The following NPAS3 variants were observed in gnomAD, a reference collection of about 807,000 sequenced individuals.
NPAS3 encodes the protein neuronal PAS domain protein 3, also known as neuronal PAS domain-containing protein 3.
In NPAS3, 14 loss-of-function variants were observed where a neutral mutation model predicts 73.1. The ratio of observed to expected loss-of-function variants is 0.19; its 90% CI spans 0.13 to 0.30. NPAS3 has a LOEUF of 0.30. Among genes scored for constraint, NPAS3 ranks in the 10% least tolerant of loss-of-function variants. The pLI, the probability that NPAS3 is intolerant of heterozygous loss-of-function variation, is 1.00. For missense variants in NPAS3, 1,096 were observed against 1,250.0 expected, an observed-to-expected ratio of 0.88 and a Z score of 1.86; for synonymous variants, 620 against 541.5, an observed-to-expected ratio of 1.14 and a Z score of -2.01.
intron 3 of NPAS3, among the ~76,000 whole-genome samples, chr14:33,331,205 C>T (rs770314541): frequency 4.6e-5 from 7 of 151,950 alleles, no homozygotes; most frequent in East Asian, 1.9e-4. Context: ...TAAAGTTGTT[C>T]GTAATTTATG....
At chr14:33,665,390 C>T (rs1472769541) in intron 5 of NPAS3, among the ~76,000 whole-genome samples, 4 of 152,208 alleles carry the variant, frequency 2.6e-5, no homozygotes, top group African/African-American at 7.2e-5. Flanking sequence ...CGCGTGTATA[C>T]CTATACAACA....
At chr14:33,272,147 T>C (rs116469645) in intron 3 of NPAS3, among the ~76,000 whole-genome samples, 204 of 152,310 alleles carry the variant, frequency 1.3e-3, no homozygotes, top group African/African-American at 4.6e-3. Context: ...TCAATCCTGT[T>C]TTGCTCAGCA....
At chr14:33,204,400 T>C (rs1234024444) in intron 2 of NPAS3, among the ~76,000 whole-genome samples, 2 of 152,132 alleles carry the variant, frequency 1.3e-5, no homozygotes, top group African/African-American at 4.8e-5. Flanking sequence ...TGATTCTAAT[T>C]ACAGTAGTTA....
intron 2 of NPAS3, among the ~76,000 whole-genome samples, chr14:33,064,417 C>G (rs2041211928): frequency 1.3e-5 from 2 of 151,998 alleles, no homozygotes; most frequent in African/African-American, 4.8e-5. Context: ...ATATGTTTTT[C>G]TGTTGATTTA....
chr14:33,545,673 A>C (rs2054810484), intron 4 of NPAS3, among the ~76,000 whole-genome samples: 1 of 152,148 alleles, frequency 6.6e-6, no homozygotes, highest in Non-Finnish European at 1.5e-5. Context: ...AGCATCACTG[A>C]AGGAATTGAG....
intron 3 of NPAS3, among the ~76,000 whole-genome samples, chr14:33,254,312 G>A (rs533284054): frequency 1.4e-4 from 22 of 151,892 alleles, no homozygotes; most frequent in African/African-American, 3.9e-4. Flanking sequence ...CACACTTCTC[G>A]AAGTTCAAAG....
intron 2 of NPAS3, among the ~76,000 whole-genome samples, chr14:33,211,507 T>C (rs775368422): frequency 5.3e-5 from 8 of 152,060 alleles, no homozygotes; most frequent in Non-Finnish European, 1.2e-4. Context: ...TGAGCCAAGA[T>C]CGAACCATTG....
downstream of NPAS3, chr14:33,804,057 GTTC>G (rs1267687753): frequency 6.6e-6 from 1 of 151,956 alleles, no homozygotes; most frequent in East Asian, 1.9e-4. Flanking sequence ...TTACAACAGG[GTTC>G]TTTTTATACT....
chr14:33,574,954 G>A lies in NPAS3; in HGVS notation c.558+14744G>A, dbSNP rs117429775. 8.4e-3 allele frequency among the ~76,000 whole-genome samples: 1,124 copies of A among 134,002 alleles called. 70 individuals carry two copies. The East Asian group carries it at 0.19, about 23-fold the overall frequency. 87.9% of individuals were successfully genotyped at this position (134,002 alleles called of 152,430 possible). The stretch of plus-strand genomic sequence containing the variant: ...CTTTTGCTAGGATTGGTCAACCTTG[G>A]TCCATGCACACAGTGGTGCAAGGGA... On this transcript the variant is annotated intron_variant, in intron 5 of 11. Transcript: ENST00000356141.
At chr14:33,164,928 A>C (rs1039528007) in intron 2 of NPAS3, among the ~76,000 whole-genome samples, 3 of 149,938 alleles carry the variant, frequency 2.0e-5, no homozygotes, top group Non-Finnish European at 4.4e-5. Context: ...TTTCATGGTT[A>C]TCCCATTATG....
intron 2 of NPAS3, among the ~76,000 whole-genome samples, chr14:33,117,198 G>T (rs1372931325): frequency 6.6e-6 from 1 of 151,888 alleles, no homozygotes; most frequent in Non-Finnish European, 1.5e-5. Flanking sequence ...TCATTTCTTG[G>T]TGGTGGGGAC....
intron 7 of NPAS3, among the ~76,000 whole-genome samples, chr14:33,754,706 A>C (rs1275716195): frequency 6.6e-6 from 1 of 152,186 alleles, no homozygotes; most frequent in African/African-American, 2.4e-5. Context: ...CCCCAAGAAC[A>C]AATACCACAA....
intron 2 of NPAS3, among the ~76,000 whole-genome samples, chr14:33,153,452 C>A (rs780667535): frequency 2.0e-5 from 3 of 152,090 alleles, no homozygotes; most frequent in Non-Finnish European, 4.4e-5. Context: ...CTTCCAATTT[C>A]TCATTTGGAG....
At position 33,531,450 on chromosome 14, in the gene NPAS3, G is replaced by C. The variant is rs1234985327; in HGVS notation, c.469-28671G>C. On this transcript the variant is annotated intron_variant, in intron 4 of 11. Coordinates refer to ENST00000356141, the Ensembl canonical transcript of NPAS3. ...AACGTCATATAAATGGAATGATACA[G>C]TATGTAAGCTTTCAAGACTGGCTTC... Among the ~76,000 whole-genome samples the C allele has an allele frequency of 2.0e-5, 3 of 152,052 alleles. No homozygotes were observed. The East Asian group carries it at 5.8e-4, about 29-fold the overall frequency.
chr14:33,541,004 T>C (rs1363847439), intron 4 of NPAS3, among the ~76,000 whole-genome samples: 3 of 152,058 alleles, frequency 2.0e-5, no homozygotes, highest in Admixed American at 6.5e-5. Flanking sequence ...GATTTCTTCT[T>C]TACTTTATGG....
At chr14:33,397,892 G>T (rs1242269410) in intron 4 of NPAS3, among the ~76,000 whole-genome samples, 1 of 152,098 alleles carries the variant, frequency 6.6e-6, no homozygotes, top group Non-Finnish European at 1.5e-5. Context: ...GTTCTACACA[G>T]ATCAGAAATA....
At chr14:33,801,068 G>A (rs1353886170) in exon 12 of NPAS3, 18 of 1,594,030 alleles carry the variant, frequency 1.1e-5, no homozygotes, top group African/African-American at 1.3e-5. Flanking sequence ...CTACAGCAAC[G>A]GCATCCACGC....
intron 4 of NPAS3, among the ~76,000 whole-genome samples, chr14:33,514,360 C>T (rs1340405714): frequency 2.0e-5 from 3 of 152,028 alleles, no homozygotes; most frequent in Admixed American, 2.0e-4. Context: ...TCCAGCCTCT[C>T]ACCAAGTGAG....
chr14:33,774,817 GA>G (rs1462769708), intron 8 of NPAS3, among the ~76,000 whole-genome samples: 3 of 152,196 alleles, frequency 2.0e-5, no homozygotes, highest in Non-Finnish European at 4.4e-5. Flanking sequence ...GCAGGGCTTA[GA>G]TGCCATTGGC....
Sources: allele counts gnomAD v4.1 joint callset (sites outside exome capture counted in the v4.1 genomes callset), GRCh38; gene constraint gnomAD v4.1.1; transcripts MANE v1.5; gene names NCBI Gene and HGNC (gene_info 2026-07-23, HGNC 2026-07-21).